The following CLCN7 variants were observed in gnomAD, a reference collection of about 807,000 sequenced individuals.
The protein encoded by CLCN7 is H(+)/Cl(-) exchange transporter 7.
A neutral mutation model predicts 102.1 loss-of-function variants in CLCN7; 60 were observed. The observed-to-expected ratio is 0.59, with a 90% CI of 0.48 to 0.73. The LOEUF is 0.73. Ranked by LOEUF, CLCN7 falls within the 30% of genes least tolerant of loss-of-function variation. The probability of loss-of-function intolerance (pLI) is 0.00; values close to 1 mark genes in which losing one functional copy is unlikely to be tolerated. For synonymous variants in CLCN7, 560 were observed against 490.5 expected, an observed-to-expected ratio of 1.14 and a Z score of -1.87; for missense variants, 962 against 1,125.7, an observed-to-expected ratio of 0.85 and a Z score of 2.08.
At chr16:1,456,994 C>T (rs2038844898) in intron 9 of CLCN7, among the ~76,000 whole-genome samples, 1 of 152,168 alleles carries the variant, frequency 6.6e-6, no homozygotes, top group Non-Finnish European at 1.5e-5. Context: ...CTCTGAGAAG[C>T]CGCTTGGAGC....
Position 1,445,384 on chromosome 16 carries a change from G to T in CLCN7, c.*1247C>A, listed in dbSNP as rs373977873. On this transcript the variant is annotated 3_prime_UTR_variant, in exon 25 of 25. Transcript: ENST00000382745. ...TTTCGCGTTCAGACCCAACACACTC[G>T]GACACCTTGGGGCCCTGTGAGGGCT... 1.3e-5 allele frequency: 2 copies of T among 152,286 alleles called. No homozygotes were observed. The highest frequency in any genetic ancestry group is 4.8e-5 in the African/African-American group (2 of 41,460). The allele number at this position is 152,286 out of a possible 1,614,324, so 9.4% of individuals were successfully genotyped here. A position where few individuals can be genotyped will look rare whatever the true frequency, so the allele number is the denominator to read the frequency against.
At chr16:1,456,415 G>T (rs971594181) in intron 9 of CLCN7, among the ~76,000 whole-genome samples, 1 of 152,196 alleles carries the variant, frequency 6.6e-6, no homozygotes, top group African/African-American at 2.4e-5. Context: ...AGGGAAACAC[G>T]CAAACACCCA....
Position 1,448,753 on chromosome 16 carries a change from A to G in CLCN7, c.1811T>C (p.Met604Thr). Residue 604 changes from methionine (M) to threonine (T), a missense_variant, in exon 20 of 25, where the codon ATG (methionine) becomes ACG (threonine). This residue lies in a region of CLCN7 where 799 missense variants were observed against 988.0 expected (regional missense o/e 0.81). Transcript: ENST00000382745. ...GGGCACACTCTGCAGCTGAATGTGC[A>G]TGTCGTACAGGCCCTGCGGGCGGGG... ...GDVFIEGLYD[M>T]HIQLQSVPFL... is the part of the protein sequence containing the mutation. 6.2e-7 allele frequency: 1 copy of G among 1,612,330 alleles called. No individual in the cohort carries two copies. The highest frequency in any genetic ancestry group is 8.5e-7 in the Non-Finnish European group (1 of 1,179,946).
Position 1,470,592 on chromosome 16 carries a change from A to C in CLCN7, c.141+4242T>G, listed in dbSNP as rs117765222. On this transcript the variant is annotated intron_variant, in intron 1 of 24. Coordinates refer to ENST00000382745, the MANE Select transcript of CLCN7 (RefSeq NM_001287.6). ...TTAAGGCAGAGACCTAAAGCAAGAC[A>C]GACACTGAACAGCAATGCTGGAGGG... 4.2e-3 allele frequency among the ~76,000 whole-genome samples: 645 copies of C among 152,352 alleles called. 14 individuals are homozygous for C. Among genetic ancestry groups the C allele is most frequent in the East Asian group, 0.029 (148 of 5,182 alleles).
rs190935610 is a variant in CLCN7 at position 1,448,195 on chromosome 16, C to T, written c.2013+160G>A. ...CCCCCCACCAGCCTCAGCGTCCACA[C>T]AGCCCTCCATGGCTGCACACTCAGC... On this transcript the variant is annotated intron_variant, in intron 21 of 24. Coordinates refer to ENST00000382745, the MANE Select transcript of CLCN7 (RefSeq NM_001287.6). The T allele has an allele frequency of 2.5e-4, 256 of 1,007,272 alleles. No individual in the cohort carries two copies. In the African/African-American group the frequency reaches 3.3e-3, roughly 13 times the overall value. 62.4% of individuals were successfully genotyped at this position (1,007,272 alleles called of 1,614,324 possible).
At chr16:1,466,438 C>T (rs1054458794) in intron 1 of CLCN7, among the ~76,000 whole-genome samples, 2 of 152,228 alleles carry the variant, frequency 1.3e-5, no homozygotes, top group Non-Finnish European at 1.5e-5. Context: ...GACGGGGAGA[C>T]GTGCAGGAAC....
At chr16:1,453,070 C>T (rs373990129) in intron 14 of CLCN7, among the ~76,000 whole-genome samples, 177 bp from the exon 15 acceptor site, 13 of 152,126 alleles carry the variant, frequency 8.5e-5, no homozygotes, top group African/African-American at 2.2e-4. Flanking sequence ...TGCAGTGCTG[C>T]GATCTTGGCT....
rs2038886607 is a variant in CLCN7 at position 1,459,130 on chromosome 16, T to A, written c.652A>T (p.Ile218Phe). The A allele has an allele frequency of 1.2e-6, 2 of 1,612,714 alleles. No homozygotes were observed. Among genetic ancestry groups the A allele is most frequent in the East Asian group, 2.2e-5 (1 of 44,868 alleles). ...ACCTTGAGCCGCACCACGTGGGGGA[T>A]CTTCACCCCGTTGAGGAAGCACTTG... ...QIKCFLNGVK[I>F]PHVVRLKTLV... The change falls in exon 7 of 25, where the codon ATC becomes TTC. Residue 218 changes from isoleucine to phenylalanine, a missense_variant. Physicochemically the swap from Ile to Phe is conservative, Grantham distance 21 (BLOSUM62 0). Transcript: ENST00000382745.
At chr16:1,458,892 T>C (rs1399831785) in intron 7 of CLCN7, among the ~76,000 whole-genome samples, 1 of 152,214 alleles carries the variant, frequency 6.6e-6, no homozygotes, top group Non-Finnish European at 1.5e-5. Context: ...TGACTACTCA[T>C]TTCTTACGTA....
At chr16:1,459,363 CA>C (rs2038894941) in intron 6 of CLCN7, 176 bp from the exon 7 acceptor site, 5 of 505,856 alleles carry the variant, frequency 9.9e-6, no homozygotes, top group Non-Finnish European at 1.8e-5. Context: ...GCACACACGT[CA>C]GGGCCCCAGG....
In CLCN7 at chr16:1,453,898, C is replaced by T. The variant is rs377547396; in HGVS notation, c.1154-4G>A. 97 of 1,613,082 alleles carry T rather than the reference C, an allele frequency of 6.0e-5. 1 individual carries two copies. The Middle Eastern group carries it at 8.2e-4, about 14-fold the overall frequency. On this transcript the variant is annotated splice_region_variant and splice_polypyrimidine_tract_variant and intron_variant, in intron 13 of 24. Coordinates refer to ENST00000382745, the MANE Select transcript of CLCN7 (RefSeq NM_001287.6). ...AACACTGCTCCAAGCACACCGCCTG[C>T]GAACAGGGGAAAGGCCAGTCAGCGA... is the stretch of plus-strand genomic sequence containing the variant.
chr16:1,472,717 G>A (rs762453117), intron 1 of CLCN7: 3 of 150,890 alleles, frequency 2.0e-5, no homozygotes, highest in Non-Finnish European at 4.4e-5. Context: ...TCTACCTTGT[G>A]AACTTCAGAT....
chr16:1,465,385 C>T (rs778953346), intron 1 of CLCN7, 47 bp from the exon 2 acceptor site: 2 of 1,533,836 alleles, frequency 1.3e-6, no homozygotes, highest in Non-Finnish European at 1.8e-6. Context: ...GTCGCACGCT[C>T]TGCTCCGTGG....
At chr16:1,449,683 C>T (rs1043170151) in intron 17 of CLCN7, 6 of 341,136 alleles carry the variant, frequency 1.8e-5, no homozygotes, top group African/African-American at 2.9e-5. Flanking sequence ...GGCTGGGCCA[C>T]AGAACCCAGG....
In CLCN7 at chr16:1,447,701, T is replaced by C. The variant is rs1188626074; in HGVS notation, c.2027A>G (p.Gln676Arg). Residue 676 changes from glutamine (Q) to arginine (R), a missense_variant, in exon 22 of 25, where the codon CAG (glutamine) becomes CGG (arginine). Around this residue, in one of 2 missense-constraint regions of CLCN7, gnomAD observed 799 missense variants for 988.0 expected, o/e 0.81. Coordinates refer to ENST00000382745, the MANE Select transcript of CLCN7 (RefSeq NM_001287.6). ...GAGCTGGGAGCGCAGGATCAGGCCC[T>C]GGAGCCGGGCAGGCTGCAAGACAGG... ...HADDTQPARL[Q>R]GLILRSQLIV... The C allele has an allele frequency of 1.9e-6, 3 of 1,554,498 alleles. No homozygotes were observed. Among genetic ancestry groups the C allele is most frequent in the East Asian group, 4.8e-5 (2 of 41,308 alleles).
intron 17 of CLCN7, 105 bp from the exon 18 acceptor site, chr16:1,449,432 AG>A (rs1246273241): frequency 3.7e-6 from 4 of 1,074,728 alleles, no homozygotes; most frequent in Non-Finnish European, 5.6e-6. Flanking sequence ...CCCCACAGCC[AG>A]GAACAAACCT....
chr16:1,450,538 G>A lies in CLCN7; in HGVS notation c.1576C>T (p.Arg526Trp), dbSNP rs1233085260. 8 of 1,610,638 alleles carry A rather than the reference G, an allele frequency of 5.0e-6. No homozygotes were observed. The highest frequency in any genetic ancestry group is 1.1e-5 in the South Asian group (1 of 90,648). ...TAGGACAGGGAGATCCCAAAGAGCCGGCCCCAGGCAGCCCCGATGAGCAGG... is the reference window on the plus strand; with the variant it reads ...TAGGACAGGGAGATCCCAAAGAGCCAGCCCCAGGCAGCCCCGATGAGCAGG... The part of the protein sequence containing the change: ...PSLLIGAAWG[R>W]LFGISLSYLT... The change falls in exon 17 of 25, where the codon CGG (arginine) becomes TGG (tryptophan). Residue 526 changes from arginine to tryptophan, a missense_variant. By Grantham distance (101) the Arg-to-Trp change is moderately radical. This residue lies in a region of CLCN7 where 799 missense variants were observed against 988.0 expected (regional missense o/e 0.81). Coordinates refer to ENST00000382745, the MANE Select transcript of CLCN7 (RefSeq NM_001287.6).
rs1278385914 is a variant in CLCN7, at chr16:1,446,430, G to A, written c.*201C>T. On this transcript the variant is annotated 3_prime_UTR_variant, in exon 25 of 25. Transcript: ENST00000382745. Reference sequence around the variant, plus strand: ...CTGGGCCTGCGCAAGGAGGCGCCAAGGGGGGAGACCACTGCCCACAACAGG... The same window carrying A: ...CTGGGCCTGCGCAAGGAGGCGCCAAAGGGGGAGACCACTGCCCACAACAGG... 3 of 703,786 alleles carry A rather than the reference G, an allele frequency of 4.3e-6. No homozygotes were observed. The highest frequency in any genetic ancestry group is 5.2e-6 in the Non-Finnish European group (2 of 386,102). 43.6% of individuals were successfully genotyped at this position (703,786 alleles called of 1,614,324 possible). A position where few individuals can be genotyped will look rare whatever the true frequency, so the allele number is the denominator to read the frequency against.
At chr16:1,470,809 G>A (rs1005231989) in intron 1 of CLCN7, among the ~76,000 whole-genome samples, 2 of 152,114 alleles carry the variant, frequency 1.3e-5, no homozygotes, top group Non-Finnish European at 2.9e-5. Flanking sequence ...GTGGCTCCGG[G>A]TGCCCAGGCA....
Sources: gnomAD v4.1 joint callset for allele counts (sites outside exome capture counted in the v4.1 genomes callset) on GRCh38, gnomAD v4.1.1 for gene constraint, gnomAD v4.1.1 regional missense constraint, MANE v1.5 for transcripts, NCBI Gene and HGNC (gene_info 2026-07-23, HGNC 2026-07-21) for gene names.